CADPS2: variants seen among roughly 807,000 people sequenced by gnomAD.
CADPS2 encodes calcium-dependent secretion activator 2.
In CADPS2, 93 loss-of-function variants were observed where a neutral mutation model predicts 172.5. The observed-to-expected ratio is 0.54, with a 90% confidence interval of 0.46 to 0.64. The LOEUF is 0.64. Among genes scored for constraint, CADPS2 ranks in the 30% least tolerant of loss-of-function variants. CADPS2 has a pLI of 0.00. For synonymous variants in CADPS2, 546 were observed against 555.2 expected (o/e 0.98, Z 0.23); for missense variants, 1,420 against 1,565.9 (o/e 0.91, Z 1.57).
At chr7:122,492,595 T>C (rs965219136) in intron 9 of CADPS2, among the ~76,000 whole-genome samples, 1 of 152,022 alleles carries the variant, frequency 6.6e-6, no homozygotes, top group African/African-American at 2.4e-5. Context: ...TAGAGGGAGG[T>C]TCTGTTCCCA....
chr7:122,756,463 G>A (rs2093165630), intron 1 of CADPS2, among the ~76,000 whole-genome samples: 1 of 151,872 alleles, frequency 6.6e-6, no homozygotes, highest in South Asian at 2.1e-4. Context: ...AAAATTTAAA[G>A]AATAAAAATA....
chr7:122,629,971 T>C (rs777388947), intron 3 of CADPS2, among the ~76,000 whole-genome samples: 5 of 152,142 alleles, frequency 3.3e-5, no homozygotes, highest in Non-Finnish European at 7.3e-5. Context: ...ACATGGAAAA[T>C]TATTTTCACT....
intron 6 of CADPS2, among the ~76,000 whole-genome samples, chr7:122,613,032 A>G (rs928967382): frequency 6.6e-6 from 1 of 152,182 alleles, no homozygotes; most frequent in Non-Finnish European, 1.5e-5. Context: ...TACACCATAT[A>G]CAAAAATCAA....
chr7:122,524,024 AG>A (rs1463928025), intron 8 of CADPS2, among the ~76,000 whole-genome samples: 1 of 152,172 alleles, frequency 6.6e-6, no homozygotes, highest in African/African-American at 2.4e-5. Context: ...CTTGGCAAAA[AG>A]TCTCTGAGGC....
chr7:122,676,926 C>T, intron 2 of CADPS2: 1 of 425,220 alleles, frequency 2.4e-6, no homozygotes, highest in Non-Finnish European at 4.2e-6. Context: ...TTTATCCATC[C>T]AAGTCTCCCT....
Position 122,645,273 on chromosome 7 carries a change from A to G in CADPS2, c.787-15945T>C, listed in dbSNP as rs1347172090. ...TGTACATGTGTGTATACATGTACAT[A>G]TATACACACATATGTACATATATAC... On this transcript the variant is annotated intron_variant, in intron 3 of 29. Coordinates refer to ENST00000449022, the MANE Select transcript of CADPS2 (RefSeq NM_017954.11). Among the ~76,000 whole-genome samples, 6 of 141,600 alleles carry G rather than the reference A, an allele frequency of 4.2e-5. 1 individual carries two copies. Among genetic ancestry groups the G allele is most frequent in the Admixed American group, 7.0e-5 (1 of 14,214 alleles). The allele number at this position is 141,600 out of a possible 152,430, so 92.9% of individuals were successfully genotyped here.
At chr7:122,401,860 G>A (rs1020060425) in intron 20 of CADPS2, among the ~76,000 whole-genome samples, 4 of 151,986 alleles carry the variant, frequency 2.6e-5, no homozygotes, top group Admixed American at 1.3e-4. Context: ...TGAGGGGTGG[G>A]ACATTGGGGA....
At chr7:122,766,430 A>G (rs951502979) in intron 1 of CADPS2, among the ~76,000 whole-genome samples, 2 of 152,136 alleles carry the variant, frequency 1.3e-5, no homozygotes, top group Non-Finnish European at 2.9e-5. Context: ...TTATACCGAT[A>G]AGAATATTTC....
intron 17 of CADPS2, among the ~76,000 whole-genome samples, chr7:122,422,646 C>G (rs1186744828): frequency 6.6e-6 from 1 of 152,152 alleles, no homozygotes; most frequent in African/African-American, 2.4e-5. Flanking sequence ...TAGATGCCTT[C>G]TGTTCATTTA....
intron 5 of CADPS2, among the ~76,000 whole-genome samples, chr7:122,617,254 CAA>C (rs756256777): frequency 1.3e-5 from 2 of 152,108 alleles, no homozygotes; most frequent in African/African-American, 2.4e-5. Context: ...TCGTCATTTT[CAA>C]AAGATACAGC....
intron 2 of CADPS2, among the ~76,000 whole-genome samples, chr7:122,692,277 G>C (rs1174683739): frequency 2.0e-5 from 3 of 152,174 alleles, no homozygotes; most frequent in Non-Finnish European, 4.4e-5. Flanking sequence ...GGTGGTGGGG[G>C]GAGGGTCCCT....
intron 17 of CADPS2, among the ~76,000 whole-genome samples, chr7:122,427,690 A>G (rs2049339618): frequency 6.6e-6 from 1 of 152,102 alleles, no homozygotes; most frequent in Admixed American, 6.5e-5. Flanking sequence ...CTGCCGGATC[A>G]TGGGCTTTGG....
intron 1 of CADPS2, among the ~76,000 whole-genome samples, chr7:122,816,807 T>G (rs1801559727): frequency 6.6e-6 from 1 of 152,152 alleles, no homozygotes; most frequent in Non-Finnish European, 1.5e-5. Context: ...CTGAAGTAAC[T>G]GAAGAATCAT....
chr7:122,514,773 T>A (rs2060235231), intron 8 of CADPS2, among the ~76,000 whole-genome samples: 1 of 152,164 alleles, frequency 6.6e-6, no homozygotes. Context: ...CGTGCTGGCA[T>A]ATCCACAGAG....
chr7:122,831,786 G>A (rs1806641859), intron 1 of CADPS2, among the ~76,000 whole-genome samples: 2 of 152,166 alleles, frequency 1.3e-5, no homozygotes, highest in Non-Finnish European at 2.9e-5. Flanking sequence ...GATGGCTACT[G>A]CAGCTCCACT....
At chr7:122,523,070 C>G (rs548708467) in intron 8 of CADPS2, among the ~76,000 whole-genome samples, 19 of 152,122 alleles carry the variant, frequency 1.2e-4, no homozygotes, top group African/African-American at 4.3e-4. Flanking sequence ...ATTTCTGTTT[C>G]TTTTTTAATA....
At chr7:122,568,115 G>A (rs1482866391) in intron 7 of CADPS2, among the ~76,000 whole-genome samples, 2 of 151,838 alleles carry the variant, frequency 1.3e-5, no homozygotes, top group East Asian at 1.9e-4. Flanking sequence ...AAGAAAGCTG[G>A]GGGCTGGGCA....
chr7:122,635,551 T>C (rs113866611), intron 3 of CADPS2, among the ~76,000 whole-genome samples: 6,260 of 152,144 alleles, frequency 0.041, 203 homozygotes, highest in Non-Finnish European at 0.049. Flanking sequence ...GTTCTTGCGA[T>C]AGTTTACTGA....
intron 1 of CADPS2, among the ~76,000 whole-genome samples, chr7:122,816,904 A>G (rs544875475): frequency 6.6e-6 from 1 of 151,810 alleles, no homozygotes; most frequent in South Asian, 2.1e-4. Flanking sequence ...GCCTTAAATG[A>G]TGGCATTACC....
Sources: gnomAD v4.1 joint callset for allele counts (sites outside exome capture counted in the v4.1 genomes callset) on GRCh38, gnomAD v4.1.1 for gene constraint, MANE v1.5 for transcripts, NCBI Gene and HGNC (gene_info 2026-07-23, HGNC 2026-07-21) for gene names.